RORA: variants seen among roughly 807,000 people sequenced by gnomAD.
RORA encodes nuclear receptor ROR-alpha.
Under a neutral mutation model 69.5 loss-of-function variants are expected in RORA, and 7 were observed. The ratio of observed to expected loss-of-function variants is 0.10; its 90% confidence interval spans 0.06 to 0.19. The LOEUF (loss-of-function observed/expected upper bound fraction) is 0.19. RORA is among the 10% of genes least tolerant of loss of function. The pLI is 1.00. For missense variants in RORA, 457 were observed against 663.0 expected (o/e 0.69, Z 3.41); for synonymous variants, 261 against 240.8 (o/e 1.08, Z -0.78).
intron 1 of RORA, among the ~76,000 whole-genome samples, chr15:61,065,519 C>A (rs1358458520): frequency 6.6e-6 from 1 of 152,026 alleles, no homozygotes; most frequent in Non-Finnish European, 1.5e-5. Context: ...ATGAGGACAT[C>A]AAAGGGGAAT....
chr15:60,778,822 G>T (rs539424484), intron 1 of RORA, among the ~76,000 whole-genome samples: 254 of 152,220 alleles, frequency 1.7e-3, no homozygotes, highest in Non-Finnish European at 2.5e-3. Context: ...TGGTTAAAGG[G>T]TAACCATTTT....
intron 1 of RORA, among the ~76,000 whole-genome samples, chr15:60,837,454 A>T (rs1312991318): frequency 6.6e-6 from 1 of 152,236 alleles, no homozygotes; most frequent in African/African-American, 2.4e-5. Context: ...CGCACGCAGC[A>T]CACTGCCAAC....
Position 60,511,215 on chromosome 15 carries a change from C to T in RORA, c.820+11G>A. 6.2e-7 allele frequency: 1 copy of T among 1,603,782 alleles called. No homozygotes were observed. Among genetic ancestry groups the T allele is most frequent in the South Asian group, 1.1e-5 (1 of 88,538 alleles). On this transcript the variant is annotated intron_variant, in intron 5 of 10. Coordinates refer to ENST00000335670, the MANE Select transcript of RORA (RefSeq NM_134261.3). The surrounding 1 kb of genome is among the most constrained non-coding windows in gnomAD (Gnocchi z 6.4). The stretch of plus-strand genomic sequence containing the variant: ...AATAGAGCATCCCAGGAGAAGCATG[C>T]ATGCCATTACCTAATTCTGCCATGG...
At chr15:60,636,000 T>C (rs1055512575) in intron 2 of RORA, among the ~76,000 whole-genome samples, 1 of 152,204 alleles carries the variant, frequency 6.6e-6, no homozygotes, top group African/African-American at 2.4e-5. Flanking sequence ...GTAGTGGTTA[T>C]GGAGTCTGTA....
intron 1 of RORA, among the ~76,000 whole-genome samples, chr15:61,177,262 A>G (rs2079637658): frequency 1.3e-5 from 2 of 152,224 alleles, no homozygotes; most frequent in Non-Finnish European, 2.9e-5. Flanking sequence ...CTTCAAGGAA[A>G]ATGCAATTAG....
chr15:60,832,955 A>C lies in RORA; in HGVS notation c.167-154269T>G, dbSNP rs182163665. Reference sequence around the variant, plus strand: ...AGTCTCACTGTGTCGCCCAGGCTGGAGTGCAGTGGCGTGATCTCGGCTCAC... The same window carrying C: ...AGTCTCACTGTGTCGCCCAGGCTGGCGTGCAGTGGCGTGATCTCGGCTCAC... On this transcript the variant is annotated intron_variant, in intron 1 of 10. Coordinates refer to ENST00000335670, the MANE Select transcript of RORA (RefSeq NM_134261.3). Among the ~76,000 whole-genome samples the C allele has an allele frequency of 1.3e-3, 194 of 151,790 alleles. 2 individuals carry two copies. The highest frequency in any genetic ancestry group is 4.4e-3 in the African/African-American group (183 of 41,350).
At chr15:61,180,880 G>C (rs2079678599) in intron 1 of RORA, among the ~76,000 whole-genome samples, 1 of 152,112 alleles carries the variant, frequency 6.6e-6, no homozygotes, top group South Asian at 2.1e-4. Context: ...AGGTCTCCTG[G>C]ATCACCTGAG....
At chr15:60,829,087 A>T (rs978706159) in intron 1 of RORA, among the ~76,000 whole-genome samples, 5 of 152,192 alleles carry the variant, frequency 3.3e-5, no homozygotes, top group Admixed American at 1.3e-4. Context: ...CAGACAGAGC[A>T]TTCAGTAAGA....
chr15:61,228,177 G>A (rs1366824625), intron 1 of RORA, among the ~76,000 whole-genome samples: 5 of 152,152 alleles, frequency 3.3e-5, no homozygotes, highest in Non-Finnish European at 7.3e-5. Context: ...CCTCCGAGAG[G>A]GAAGGATTCC....
At chr15:61,088,245 C>T (rs978962067) in intron 1 of RORA, among the ~76,000 whole-genome samples, 4 of 152,124 alleles carry the variant, frequency 2.6e-5, no homozygotes, top group Non-Finnish European at 4.4e-5. Flanking sequence ...GAAGTCTGCT[C>T]GCAGGAGAGG....
In RORA at chr15:60,511,849, G is replaced by A. The variant is rs570946302; in HGVS notation, c.425-228C>T. 6.6e-5 allele frequency among the ~76,000 whole-genome samples: 10 copies of A among 152,224 alleles called. No homozygotes were observed. In the East Asian group the frequency reaches 1.7e-3, roughly 26 times the overall value. On this transcript the variant is annotated intron_variant, in intron 4 of 10. Transcript: ENST00000335670. The surrounding 1 kb of genome is among the most constrained non-coding windows in gnomAD (Gnocchi z 6.4). ...AGAGAAACTCATGTTTCAGAAAGAG[G>A]CCTGGTGCAGGTAGGAGGGGCCCAG...
intron 2 of RORA, among the ~76,000 whole-genome samples, chr15:60,664,300 G>A (rs757034048): frequency 1.3e-5 from 2 of 152,146 alleles, no homozygotes; most frequent in Non-Finnish European, 2.9e-5. Context: ...GTGTGTGATA[G>A]TAACAGTTTT....
chr15:61,048,648 T>C (rs1897152745), intron 1 of RORA, among the ~76,000 whole-genome samples: 1 of 152,176 alleles, frequency 6.6e-6, no homozygotes, highest in East Asian at 1.9e-4. Flanking sequence ...GTTGTAGAAA[T>C]GTCATAAGCT....
intron 1 of RORA, among the ~76,000 whole-genome samples, chr15:61,035,718 G>A (rs1000840542): frequency 6.6e-6 from 1 of 152,122 alleles, no homozygotes. Context: ...ATACAAAATT[G>A]CAATACCACT....
At chr15:61,127,570 C>A (rs1168404788) in intron 1 of RORA, among the ~76,000 whole-genome samples, 1 of 152,174 alleles carries the variant, frequency 6.6e-6, no homozygotes. Flanking sequence ...CAACATGATG[C>A]ACAAACGAAA....
intron 1 of RORA, among the ~76,000 whole-genome samples, chr15:60,749,416 C>A (rs4775295): frequency 0.25 from 38,700 of 152,058 alleles, 6,187 homozygotes; most frequent in Non-Finnish European, 0.37. Flanking sequence ...TTTTTTCTAA[C>A]TAATATTCTA....
chr15:61,016,962 A>G (rs1169776172), intron 1 of RORA, among the ~76,000 whole-genome samples: 1 of 152,212 alleles, frequency 6.6e-6, no homozygotes, highest in African/African-American at 2.4e-5. Flanking sequence ...ATGAATGAAT[A>G]TTTTTATTCC....
chr15:61,208,394 CTAG>C (rs963176218), intron 1 of RORA, among the ~76,000 whole-genome samples: 1 of 152,062 alleles, frequency 6.6e-6, no homozygotes, highest in Non-Finnish European at 1.5e-5. Context: ...CTGTCTTAGA[CTAG>C]GGCTAGGAAG....
chr15:60,491,809 G>A lies in RORA; in HGVS notation c.*5646C>T, dbSNP rs1221153595. The A allele has an allele frequency of 6.6e-6, 1 of 151,926 alleles. No homozygotes were observed. Among genetic ancestry groups the A allele is most frequent in the Non-Finnish European group, 1.5e-5 (1 of 67,962 alleles). 9.4% of individuals were successfully genotyped at this position (151,926 alleles called of 1,614,324 possible). ...TCTTAAAAATAAATAGCAATAGGAA[G>A]GTCTCTATAATACAATCTGATGGAA... On this transcript the variant is annotated 3_prime_UTR_variant, in exon 11 of 11. Transcript: ENST00000335670.
Sources: allele counts gnomAD v4.1 joint callset (sites outside exome capture counted in the v4.1 genomes callset), GRCh38; gene constraint gnomAD v4.1.1; non-coding constraint Gnocchi (gnomAD v3.1); transcripts MANE v1.5; gene names NCBI Gene and HGNC (gene_info 2026-07-23, HGNC 2026-07-21).